The following MRPS6 variants were observed in gnomAD, a reference collection of about 807,000 sequenced individuals.
MRPS6 encodes small ribosomal subunit protein bS6m.
Under a neutral mutation model 13.1 loss-of-function variants are expected in MRPS6, and 6 were observed. The observed-to-expected ratio is 0.46, with a 90% confidence interval of 0.25 to 0.91. MRPS6 has a LOEUF of 0.91. MRPS6 is among the 40% of genes least tolerant of loss of function. The probability of loss-of-function intolerance (pLI) is 0.18; values close to 1 mark genes in which losing one functional copy is unlikely to be tolerated. For missense variants in MRPS6, 164 were observed against 155.6 expected, an observed-to-expected ratio of 1.05 and a Z score of -0.29; for synonymous variants, 61 against 56.5, an observed-to-expected ratio of 1.08 and a Z score of -0.36.
intron 1 of MRPS6, among the ~76,000 whole-genome samples, chr21:34,074,931 C>T (rs972114610): frequency 1.3e-5 from 2 of 152,118 alleles, no homozygotes; most frequent in East Asian, 1.9e-4. Flanking sequence ...CAGTGCCTCT[C>T]TATGAGGTCC....
At chr21:34,082,753 C>G (rs1989487579) in intron 1 of MRPS6, among the ~76,000 whole-genome samples, 1 of 151,672 alleles carries the variant, frequency 6.6e-6, no homozygotes, top group South Asian at 2.1e-4. Context: ...TTTTTCACTC[C>G]CACTCCAGAT....
intron 2 of MRPS6, among the ~76,000 whole-genome samples, chr21:34,137,849 T>C (rs925840354): frequency 3.3e-5 from 5 of 152,156 alleles, no homozygotes; most frequent in Non-Finnish European, 5.9e-5. Context: ...TTTGTTGAAA[T>C]GATCATATGG....
intron 1 of MRPS6, among the ~76,000 whole-genome samples, chr21:34,114,469 T>G (rs1357038962): frequency 6.6e-6 from 1 of 152,116 alleles, no homozygotes; most frequent in Non-Finnish European, 1.5e-5. Flanking sequence ...GGTTCTCACA[T>G]TTGTTTGCAC....
At chr21:34,120,057 G>C (rs150697454) in intron 1 of MRPS6, among the ~76,000 whole-genome samples, 1 of 152,208 alleles carries the variant, frequency 6.6e-6, no homozygotes, top group East Asian at 1.9e-4. Flanking sequence ...GTAGTGAGTA[G>C]AACAGCTGGT....
intron 1 of MRPS6, chr21:34,098,221 T>C: frequency 1.0e-6 from 1 of 998,438 alleles, no homozygotes; most frequent in Non-Finnish European, 1.2e-6. Context: ...GCTAATCAGA[T>C]GATTACTCAT....
chr21:34,114,067 A>G (rs1041302099), intron 1 of MRPS6, among the ~76,000 whole-genome samples: 5 of 152,158 alleles, frequency 3.3e-5, no homozygotes, highest in South Asian at 2.1e-4. Flanking sequence ...TTGCTGTCAT[A>G]GTAACCAGGA....
chr21:34,103,741 T>G (rs1979353134), intron 1 of MRPS6: 1 of 999,868 alleles, frequency 1.0e-6, no homozygotes, highest in African/African-American at 1.7e-5. Flanking sequence ...TCTAAACTGG[T>G]CCTAATGGTA....
At chr21:34,118,999 T>A (rs1195565231) in intron 1 of MRPS6, among the ~76,000 whole-genome samples, 1 of 152,218 alleles carries the variant, frequency 6.6e-6, no homozygotes, top group African/African-American at 2.4e-5. Context: ...CATTTGAACA[T>A]GTACTTAGGC....
At chr21:34,117,100 T>G (rs896352073) in intron 1 of MRPS6, among the ~76,000 whole-genome samples, 1 of 152,202 alleles carries the variant, frequency 6.6e-6, no homozygotes, top group East Asian at 1.9e-4. Context: ...ATTGCCAAAT[T>G]GTCTTCCAGA....
At chr21:34,088,868 A>T (rs372377761) in intron 1 of MRPS6, among the ~76,000 whole-genome samples, 5 of 151,614 alleles carry the variant, frequency 3.3e-5, no homozygotes, top group African/African-American at 1.2e-4. Context: ...GGTTAGTGTA[A>T]GATTTTTTTT....
intron 2 of MRPS6, among the ~76,000 whole-genome samples, chr21:34,128,392 C>A (rs74391258): frequency 0.021 from 3,201 of 152,170 alleles, 113 homozygotes; most frequent in African/African-American, 0.072. Context: ...CGCCTTATCA[C>A]GTACATGCCC....
intron 1 of MRPS6, chr21:34,106,136 A>G (rs992483759): frequency 1.0e-6 from 1 of 995,460 alleles, no homozygotes; most frequent in Non-Finnish European, 1.2e-6. Context: ...GAAACTTAAG[A>G]TGAACTACAT....
intron 1 of MRPS6, among the ~76,000 whole-genome samples, chr21:34,090,155 C>T (rs1435611107): frequency 1.3e-5 from 2 of 152,226 alleles, no homozygotes; most frequent in African/African-American, 2.4e-5. Context: ...TTGTCTTTAG[C>T]TCCACTTACA....
intron 1 of MRPS6, 44 bp downstream of exon 1, chr21:34,073,789 C>CAG: frequency 7.1e-7 from 1 of 1,411,864 alleles, no homozygotes; most frequent in Non-Finnish European, 9.4e-7. Context: ...CGCGGGCGCC[C>CAG]CCGCTGCCGC....
intron 1 of MRPS6, chr21:34,103,625 A>G (rs1979347513): frequency 3.0e-6 from 3 of 1,000,024 alleles, no homozygotes; most frequent in South Asian, 4.7e-5. Context: ...CACAAGACTA[A>G]TAGTATTCTC....
chr21:34,099,748 A>C, intron 1 of MRPS6: 1 of 980,544 alleles, frequency 1.0e-6, no homozygotes, highest in Non-Finnish European at 1.2e-6. Flanking sequence ...GGTCAAGTTT[A>C]GAGTACTAAA....
chr21:34,137,286 A>G (rs142784626), intron 2 of MRPS6, among the ~76,000 whole-genome samples: 23 of 152,308 alleles, frequency 1.5e-4, no homozygotes, highest in Middle Eastern at 3.4e-3. Context: ...TGACATCTAA[A>G]TTTTGAGTCT....
At chr21:34,123,062 T>C (rs1261677467) in intron 1 of MRPS6, 1 of 152,216 alleles carries the variant, frequency 6.6e-6, no homozygotes, top group Non-Finnish European at 1.5e-5. Flanking sequence ...CTGTTTTATC[T>C]TAAGGTTGGT....
At chr21:34,077,648 AAAAC>A (rs1301151781) in intron 1 of MRPS6, among the ~76,000 whole-genome samples, 4 of 152,232 alleles carry the variant, frequency 2.6e-5, no homozygotes, top group South Asian at 2.1e-4. Flanking sequence ...AGTTCTTATT[AAAAC>A]AAACAGTAAT....
Sources: gnomAD v4.1 joint callset for allele counts (sites outside exome capture counted in the v4.1 genomes callset) on GRCh38, gnomAD v4.1.1 for gene constraint, MANE v1.5 for transcripts, NCBI Gene and HGNC (gene_info 2026-07-23, HGNC 2026-07-21) for gene names.